The following SEMA3A variants were observed in gnomAD, a reference collection of about 807,000 sequenced individuals.
SEMA3A encodes the protein semaphorin 3A, also known as semaphorin-3A.
Under a neutral mutation model 97.9 loss-of-function variants are expected in SEMA3A, and 29 were observed. The observed-to-expected ratio is 0.30, with a 90% CI of 0.22 to 0.40. The LOEUF is 0.40. SEMA3A is among the 10% of genes least tolerant of loss of function. The probability of loss-of-function intolerance (pLI) is 1.00; values close to 1 mark genes in which losing one functional copy is unlikely to be tolerated. For missense variants in SEMA3A, 763 were observed against 951.3 expected (o/e 0.80, Z 2.60); for synonymous variants, 321 against 323.7 (o/e 0.99, Z 0.09).
At chr7:84,166,133 G>T (rs1424803410) in intron 1 of SEMA3A, among the ~76,000 whole-genome samples, 2 of 151,990 alleles carry the variant, frequency 1.3e-5, no homozygotes, top group African/African-American at 4.8e-5. Context: ...AATATTAGCT[G>T]GGTATGGTGG....
intron 3 of SEMA3A, among the ~76,000 whole-genome samples, chr7:84,256,274 TC>T (rs1221549787): frequency 6.6e-6 from 1 of 152,080 alleles, no homozygotes; most frequent in Admixed American, 6.6e-5. Context: ...GTACTATATA[TC>T]CTATGATACT....
chr7:84,075,102 C>A (rs550706423), intron 4 of SEMA3A, among the ~76,000 whole-genome samples: 1 of 151,414 alleles, frequency 6.6e-6, no homozygotes, highest in Non-Finnish European at 1.5e-5. Flanking sequence ...TTGAGCTAGA[C>A]AACATTCCCA....
chr7:84,045,872 A>G (rs960293534), intron 6 of SEMA3A, among the ~76,000 whole-genome samples: 3 of 151,952 alleles, frequency 2.0e-5, no homozygotes, highest in African/African-American at 7.2e-5. Context: ...AATTTTGAAA[A>G]GACTATTAAT....
At chr7:84,254,206 T>A (rs996544013) in intron 3 of SEMA3A, among the ~76,000 whole-genome samples, 2 of 152,138 alleles carry the variant, frequency 1.3e-5, no homozygotes, top group Admixed American at 1.3e-4. Context: ...CAGATGTGAC[T>A]ATTGGGATTT....
chr7:84,195,004 CAGAGAGAGAGAGAGAGAGAAAGAG>C (rs1030918092), upstream of SEMA3A: 2 of 137,256 alleles, frequency 1.5e-5, no homozygotes, highest in Admixed American at 7.5e-5. Context: ...GAAAGGGAAA[CAGAGAGAGAGAGAGAGAGAAAGAG>C]AGAGAGAGAG....
Position 83,960,562 on chromosome 7 carries a change from T to A in SEMA3A, c.*809A>T, listed in dbSNP as rs1344762612. 6.6e-6 allele frequency: 1 copy of A among 152,508 alleles called. No homozygotes were observed. The highest frequency in any genetic ancestry group is 1.5e-5 in the Non-Finnish European group (1 of 67,984). The allele number at this position is 152,508 out of a possible 1,614,324, so 9.4% of individuals were successfully genotyped here. On this transcript the variant is annotated 3_prime_UTR_variant, in exon 17 of 17. Coordinates refer to ENST00000265362, the MANE Select transcript of SEMA3A (RefSeq NM_006080.3). Reference sequence around the variant, plus strand: ...TATATGTGTTTCTAGAACAATGTCATCTATCCCTCTTATAGAATTGAAAAT... The same window carrying A: ...TATATGTGTTTCTAGAACAATGTCAACTATCCCTCTTATAGAATTGAAAAT...
chr7:84,136,958 GAAGAAGGAAGGAAGGA>G lies in SEMA3A; in HGVS notation c.113-2023_113-2008del, dbSNP rs1449953031. Reference sequence around the variant, plus strand: ...GAAGGGAGGGAGGGAAGGAGGGAGGGAAGAAGGAAGGAAGGAAGGAAGGAAGGAAGGAAGGAAGGAA... The same window carrying G: ...GAAGGGAGGGAGGGAAGGAGGGAGGGAGGAAGGAAGGAAGGAAGGAAGGAA... On this transcript the variant is annotated intron_variant, in intron 1 of 16. Transcript: ENST00000265362. Among the ~76,000 whole-genome samples the G allele has an allele frequency of 3.8e-4, 17 of 44,870 alleles. 1 individual carries two copies. In the East Asian group the frequency reaches 5.1e-3, roughly 14 times the overall value. 29.4% of individuals were successfully genotyped at this position (44,870 alleles called of 152,430 possible).
intron 3 of SEMA3A, among the ~76,000 whole-genome samples, chr7:84,203,168 G>C (rs773191805): frequency 1.3e-4 from 20 of 151,842 alleles, no homozygotes; most frequent in Non-Finnish European, 1.5e-4. Flanking sequence ...ATATATTTTT[G>C]AAAAAGCCTT....
intron 1 of SEMA3A, among the ~76,000 whole-genome samples, chr7:84,185,274 G>GC (rs1797843574): frequency 6.6e-6 from 1 of 151,946 alleles, no homozygotes; most frequent in Non-Finnish European, 1.5e-5. Flanking sequence ...TTTCTGTGTT[G>GC]CCGGGTACCA....
rs1489964845 is a variant in SEMA3A at position 84,257,521 on chromosome 7, A to G, written c.-83+49686T>C. 2.0e-5 allele frequency among the ~76,000 whole-genome samples: 3 copies of G among 152,294 alleles called. No homozygotes were observed. In the East Asian group the frequency reaches 5.8e-4, roughly 29 times the overall value. On this transcript the variant is annotated intron_variant, in intron 3 of 3. Coordinates refer to the SEMA3A transcript ENST00000424555. The stretch of plus-strand genomic sequence containing the variant: ...GGTAACATTTAAAGTATTAAGATGC[A>G]TAAACATGTGGGTACTAGCTATAAC...
chr7:84,312,544 T>C (rs945834434), intron 2 of SEMA3A, among the ~76,000 whole-genome samples: 2 of 151,568 alleles, frequency 1.3e-5, no homozygotes, highest in African/African-American at 2.4e-5. Flanking sequence ...TTGTAAACTT[T>C]CATATATATG....
chr7:84,233,472 G>A (rs1407854319), intron 3 of SEMA3A, among the ~76,000 whole-genome samples: 1 of 151,874 alleles, frequency 6.6e-6, no homozygotes, highest in African/African-American at 2.4e-5. Flanking sequence ...ATTCTGTGTA[G>A]TATAATAAAA....
At chr7:84,296,735 A>T (rs1303490237) in intron 3 of SEMA3A, among the ~76,000 whole-genome samples, 1 of 152,182 alleles carries the variant, frequency 6.6e-6, no homozygotes, top group Admixed American at 6.5e-5. Flanking sequence ...TTTTAAATCA[A>T]TATCCAAGGG....
intron 3 of SEMA3A, among the ~76,000 whole-genome samples, chr7:84,265,573 AG>A (rs1799974409): frequency 1.3e-5 from 2 of 148,666 alleles, no homozygotes; most frequent in African/African-American, 2.4e-5. Context: ...TATATATTTA[AG>A]ACATATATAT....
intron 6 of SEMA3A, among the ~76,000 whole-genome samples, chr7:84,026,630 T>C (rs1054653310): frequency 5.3e-5 from 8 of 152,110 alleles, no homozygotes; most frequent in African/African-American, 1.9e-4. Flanking sequence ...ATTTAAAAAA[T>C]GTAATTAGTG....
chr7:84,144,989 C>A (rs1796421548), intron 1 of SEMA3A, among the ~76,000 whole-genome samples: 2 of 152,018 alleles, frequency 1.3e-5, no homozygotes, highest in South Asian at 4.1e-4. Context: ...TGTGTGTTTA[C>A]CCCTAAATAC....
chr7:84,229,997 C>A (rs1392252215), intron 3 of SEMA3A, among the ~76,000 whole-genome samples: 2 of 151,952 alleles, frequency 1.3e-5, no homozygotes, highest in Non-Finnish European at 2.9e-5. Flanking sequence ...TTACTCTACT[C>A]AGTTCTCTTC....
intron 1 of SEMA3A, among the ~76,000 whole-genome samples, chr7:84,182,777 G>A (rs1283715120): frequency 6.6e-6 from 1 of 152,060 alleles, no homozygotes; most frequent in Non-Finnish European, 1.5e-5. Context: ...CCTAAAGTTA[G>A]GTTCATTTTT....
At chr7:83,989,732 G>C (rs1481031968) in intron 12 of SEMA3A, among the ~76,000 whole-genome samples, 1 of 143,702 alleles carries the variant, frequency 7.0e-6, no homozygotes, top group South Asian at 2.4e-4. Flanking sequence ...GGACATTTGG[G>C]TTGGTTCCAA....
Sources: gnomAD v4.1 joint callset for allele counts (sites outside exome capture counted in the v4.1 genomes callset) on GRCh38, gnomAD v4.1.1 for gene constraint, MANE v1.5 for transcripts, NCBI Gene and HGNC (gene_info 2026-07-23, HGNC 2026-07-21) for gene names.